The following PTTG1IP2 variants were observed in gnomAD, a reference collection of about 807,000 sequenced individuals.
PTTG1IP2 encodes PTTG1IP family member 2.
At chr7:90,508,836 A>G (rs965952600) in intron 6 of PTTG1IP2, among the ~76,000 whole-genome samples, 3 of 152,168 alleles carry the variant, frequency 2.0e-5, no homozygotes, top group Non-Finnish European at 4.4e-5. Flanking sequence ...TAGCGTGGTG[A>G]ATGGTATGTG....
At chr7:90,513,106 A>G (rs1053371301) in intron 6 of PTTG1IP2, among the ~76,000 whole-genome samples, 172 bp from the exon 7 acceptor site, 1 of 152,240 alleles carries the variant, frequency 6.6e-6, no homozygotes, top group African/African-American at 2.4e-5. Context: ...TTAAGTTGAT[A>G]ATCATTAACC....
intron 1 of PTTG1IP2, among the ~76,000 whole-genome samples, chr7:90,472,320 A>ACACC (rs200172778): frequency 7.3e-4 from 74 of 101,846 alleles, no homozygotes; most frequent in African/African-American, 2.3e-3. Flanking sequence ...ACACACACAC[A>ACACC]CCCCAAATAA....
At chr7:90,500,153 G>T (rs1387377181) in intron 6 of PTTG1IP2, among the ~76,000 whole-genome samples, 2 of 152,084 alleles carry the variant, frequency 1.3e-5, no homozygotes, top group Non-Finnish European at 2.9e-5. Context: ...GGTCGAGGCT[G>T]TGGTGAGCTA....
intron 1 of PTTG1IP2, among the ~76,000 whole-genome samples, chr7:90,471,858 T>C (rs758674129): frequency 2.6e-5 from 4 of 152,176 alleles, no homozygotes; most frequent in Non-Finnish European, 5.9e-5. Flanking sequence ...GAAACTCAGG[T>C]TCCTGCGTTA....
intron 2 of PTTG1IP2, among the ~76,000 whole-genome samples, chr7:90,483,417 T>A (rs1797835406): frequency 6.6e-6 from 1 of 152,206 alleles, no homozygotes; most frequent in African/African-American, 2.4e-5. Context: ...TGTGTCATAC[T>A]TGGAAACACA....
intron 6 of PTTG1IP2, among the ~76,000 whole-genome samples, chr7:90,505,954 G>A (rs373080633): frequency 7.9e-6 from 1 of 125,944 alleles, no homozygotes; most frequent in South Asian, 2.6e-4. Context: ...ACTGCAGTCC[G>A]CAGTCCGGCC....
chr7:90,485,950 G>A (rs1432380479), intron 2 of PTTG1IP2, among the ~76,000 whole-genome samples: 3 of 152,184 alleles, frequency 2.0e-5, no homozygotes, highest in African/African-American at 7.2e-5. Context: ...TATCTTTGCA[G>A]TTCCAGTCTT....
At chr7:90,504,384 T>C (rs1798100943) in intron 6 of PTTG1IP2, among the ~76,000 whole-genome samples, 2 of 151,998 alleles carry the variant, frequency 1.3e-5, no homozygotes. Flanking sequence ...TCAGAGAGCG[T>C]AATTTTCACC....
intron 6 of PTTG1IP2, among the ~76,000 whole-genome samples, chr7:90,509,383 T>G (rs1286772139): frequency 6.6e-6 from 1 of 152,008 alleles, no homozygotes; most frequent in Admixed American, 6.5e-5. Flanking sequence ...CTGGTGATCA[T>G]TTAGAAGTAG....
chr7:90,493,974 T>C (rs1367259511), intron 5 of PTTG1IP2, among the ~76,000 whole-genome samples: 1 of 152,236 alleles, frequency 6.6e-6, no homozygotes, highest in African/African-American at 2.4e-5. Flanking sequence ...GCGATACTCC[T>C]CACCTGTGAA....
intron 1 of PTTG1IP2, chr7:90,470,271 C>T (rs1469450393): frequency 6.6e-6 from 1 of 152,152 alleles, no homozygotes; most frequent in Non-Finnish European, 1.5e-5. Flanking sequence ...ACTCAATGGT[C>T]ATAGTTCCTC....
chr7:90,503,722 A>G (rs1347869219), intron 6 of PTTG1IP2, among the ~76,000 whole-genome samples: 2 of 152,232 alleles, frequency 1.3e-5, no homozygotes, highest in Non-Finnish European at 2.9e-5. Context: ...TTATGGGTGC[A>G]GTTTGTGGCA....
At chr7:90,475,098 A>G (rs1175387481) in intron 1 of PTTG1IP2, among the ~76,000 whole-genome samples, 1 of 152,200 alleles carries the variant, frequency 6.6e-6, no homozygotes, top group African/African-American at 2.4e-5. Context: ...CCCATGGAGC[A>G]ATGCAATGTA....
At chr7:90,513,017 A>G (rs1171149003) in intron 6 of PTTG1IP2, among the ~76,000 whole-genome samples, 2 of 152,242 alleles carry the variant, frequency 1.3e-5, no homozygotes, top group African/African-American at 4.8e-5. Context: ...TGTTGGCAGA[A>G]GGAAATAAAT....
At chr7:90,493,200 A>G (rs150002769) in intron 5 of PTTG1IP2, among the ~76,000 whole-genome samples, 8 of 152,182 alleles carry the variant, frequency 5.3e-5, no homozygotes, top group Non-Finnish European at 8.8e-5. Context: ...GGGCATAATG[A>G]TAGGGAATGT....
chr7:90,497,744 A>AAAAAAAAG (rs1562988278), intron 6 of PTTG1IP2, among the ~76,000 whole-genome samples: 1 of 132,408 alleles, frequency 7.6e-6, no homozygotes, highest in African/African-American at 3.2e-5. Context: ...AAAAAAAAAA[A>AAAAAAAAG]GAAGAAGAAG....
chr7:90,496,603 T>A (rs984062217), intron 6 of PTTG1IP2, among the ~76,000 whole-genome samples: 1 of 152,104 alleles, frequency 6.6e-6, no homozygotes, highest in African/African-American at 2.4e-5. Context: ...GTTAATTTTT[T>A]ATTTTAATTT....
intron 6 of PTTG1IP2, among the ~76,000 whole-genome samples, chr7:90,501,905 C>G (rs1319161719): frequency 6.6e-6 from 1 of 152,064 alleles, no homozygotes; most frequent in Non-Finnish European, 1.5e-5. Flanking sequence ...AGCATTTTAC[C>G]CACAGTAAAA....
intron 2 of PTTG1IP2, among the ~76,000 whole-genome samples, chr7:90,485,172 C>A (rs144475093): frequency 6.6e-6 from 1 of 152,276 alleles, no homozygotes; most frequent in African/African-American, 2.4e-5. Context: ...AGAATGGGGA[C>A]ACAAAGTAGC....
Sources: gnomAD v4.1 joint callset for allele counts (sites outside exome capture counted in the v4.1 genomes callset) on GRCh38, gnomAD v4.1.1 for gene constraint, MANE v1.5 for transcripts, NCBI Gene and HGNC (gene_info 2026-07-23, HGNC 2026-07-21) for gene names.